Variants in RAI14 observed in about 807,000 individuals in gnomAD.
RAI14 encodes the protein ankycorbin.
Under a neutral mutation model 115.4 loss-of-function variants are expected in RAI14, and 45 were observed. The ratio of observed to expected loss-of-function variants is 0.39; its 90% CI spans 0.31 to 0.50. RAI14 has a LOEUF of 0.50. Ranked by LOEUF, RAI14 falls within the 20% of genes least tolerant of loss-of-function variation. The probability of loss-of-function intolerance (pLI) is 0.85; values close to 1 mark genes in which losing one functional copy is unlikely to be tolerated. For synonymous variants in RAI14, 371 were observed against 415.4 expected (o/e 0.89, Z 1.30); for missense variants, 939 against 1,131.2 (o/e 0.83, Z 2.44).
At chr5:34,709,751 T>C (rs1290635378) in intron 2 of RAI14, among the ~76,000 whole-genome samples, 1 of 152,162 alleles carries the variant, frequency 6.6e-6, no homozygotes, top group East Asian at 1.9e-4. Flanking sequence ...TTAGGCTCTT[T>C]GGAAGATTTT....
chr5:34,795,527 A>T (rs1753411923), intron 3 of RAI14, among the ~76,000 whole-genome samples: 1 of 152,246 alleles, frequency 6.6e-6, no homozygotes. Context: ...AGAGCATATC[A>T]CTTTAAAATG....
intron 4 of RAI14, among the ~76,000 whole-genome samples, chr5:34,798,154 G>A (rs554109900): frequency 3.9e-5 from 6 of 152,170 alleles, no homozygotes; most frequent in African/African-American, 1.4e-4. Flanking sequence ...TCCTGCCTCA[G>A]CCTCCTGAGT....
intron 7 of RAI14, among the ~76,000 whole-genome samples, chr5:34,808,982 G>A (rs1414383618): frequency 2.0e-5 from 3 of 152,128 alleles, no homozygotes; most frequent in Admixed American, 2.0e-4. Context: ...CTTACTCCCC[G>A]CTGTGCAGCC....
At chr5:34,763,046 T>C (rs1375309076) in intron 3 of RAI14, among the ~76,000 whole-genome samples, 2 of 151,480 alleles carry the variant, frequency 1.3e-5, no homozygotes, top group South Asian at 2.1e-4. Flanking sequence ...AAGCAAGAAT[T>C]TGTGAGAGTA....
chr5:34,763,105 C>G (rs1748899676), intron 3 of RAI14, among the ~76,000 whole-genome samples: 1 of 152,112 alleles, frequency 6.6e-6, no homozygotes, highest in South Asian at 2.1e-4. Flanking sequence ...AGAGGCAGGC[C>G]TTGAACTTTA....
chr5:34,762,866 G>A (rs138618068), intron 3 of RAI14, among the ~76,000 whole-genome samples: 5 of 152,044 alleles, frequency 3.3e-5, no homozygotes, highest in South Asian at 2.1e-4. Context: ...AATCACTGCC[G>A]GCACTGTAGT....
rs1052512562 is a variant in RAI14, at chr5:34,783,890, C to T, written c.168-12049C>T. ...CACCGCAAAACACTGCAAAAGGTGA[C>T]GTTTAACACAGGCAGAAGACTCTCC... On this transcript the variant is annotated intron_variant, in intron 3 of 17. Coordinates refer to ENST00000265109, the MANE Select transcript of RAI14 (RefSeq NM_015577.3). 4.6e-5 allele frequency among the ~76,000 whole-genome samples: 7 copies of T among 152,292 alleles called. No homozygotes were observed. In the Middle Eastern group the frequency reaches 0.01, roughly 222 times the overall value.
At position 34,758,126 on chromosome 5, in the gene RAI14, G is replaced by A. The variant is rs559732278; in HGVS notation, c.167+528G>A. Among the ~76,000 whole-genome samples, 24 of 152,276 alleles carry A rather than the reference G, an allele frequency of 1.6e-4. No homozygotes were observed. In the South Asian group the frequency reaches 2.5e-3, roughly 16 times the overall value. On this transcript the variant is annotated intron_variant, in intron 3 of 17. Coordinates refer to ENST00000265109, the MANE Select transcript of RAI14 (RefSeq NM_015577.3). ...TGTATTTGTTTATATCCATTCTTAC[G>A]TTGGCAGTGTTGTGGAGAGAGCACT...
At chr5:34,689,270 T>C (rs1398274393) in intron 2 of RAI14, among the ~76,000 whole-genome samples, 1 of 151,928 alleles carries the variant, frequency 6.6e-6, no homozygotes, top group Non-Finnish European at 1.5e-5. Context: ...CCGCCTATGG[T>C]GGGGCACACC....
At chr5:34,790,847 C>T (rs963539178) in intron 3 of RAI14, among the ~76,000 whole-genome samples, 1 of 151,516 alleles carries the variant, frequency 6.6e-6, no homozygotes, top group Non-Finnish European at 1.5e-5. Context: ...GAAGAACCCT[C>T]ATTATTACAC....
At chr5:34,760,989 T>C (rs1748579269) in intron 3 of RAI14, among the ~76,000 whole-genome samples, 1 of 152,208 alleles carries the variant, frequency 6.6e-6, no homozygotes, top group African/African-American at 2.4e-5. Flanking sequence ...AATCATATAA[T>C]ATGTGGCCTC....
rs1331631402 is a variant in RAI14 at position 34,664,984 on chromosome 5, CAT to C, written c.-49+8524_-49+8525del. Among the ~76,000 whole-genome samples the C allele has an allele frequency of 1.9e-4, 16 of 83,402 alleles. 3 individuals are homozygous for C. The highest frequency in any genetic ancestry group is 2.3e-4 in the Non-Finnish European group (10 of 43,276). The allele number at this position is 83,402 out of a possible 152,430, so 54.7% of individuals were successfully genotyped here. The stretch of plus-strand genomic sequence containing the variant: ...CTTTTTATGGCTAAGTAGTATCCAT[CAT>C]ATATATATATATATGTGTATATATA... On this transcript the variant is annotated intron_variant, in intron 1 of 17. Coordinates refer to ENST00000265109, the MANE Select transcript of RAI14 (RefSeq NM_015577.3).
At chr5:34,739,702 A>G (rs1745263779) in intron 2 of RAI14, among the ~76,000 whole-genome samples, 1 of 152,120 alleles carries the variant, frequency 6.6e-6, no homozygotes, top group South Asian at 2.1e-4. Context: ...TTCACTCAGT[A>G]AACATTTATT....
chr5:34,746,727 A>G lies in RAI14; in HGVS notation c.37-10741A>G, dbSNP rs1746276447. Among the ~76,000 whole-genome samples the G allele has an allele frequency of 5.3e-5, 8 of 152,072 alleles. No individual in the cohort carries two copies. The South Asian group carries it at 1.5e-3, about 28-fold the overall frequency. On this transcript the variant is annotated intron_variant, in intron 2 of 17. Transcript: ENST00000265109. ...ACTCCTTTGCTTGCCCCAGTGTATG[A>G]ACACATTTAAACCCCCCTAAAAAGT...
At chr5:34,806,632 T>C (rs1754934792) in intron 5 of RAI14, among the ~76,000 whole-genome samples, 1 of 151,482 alleles carries the variant, frequency 6.6e-6, no homozygotes, top group South Asian at 2.1e-4. Flanking sequence ...GGGTGGAGGA[T>C]GAGGAGGAAT....
chr5:34,810,170 A>C (rs185087991), intron 7 of RAI14, among the ~76,000 whole-genome samples: 31 of 152,330 alleles, frequency 2.0e-4, no homozygotes, highest in Admixed American at 1.9e-3. Flanking sequence ...ATATATTGTA[A>C]CATCTTTTCC....
intron 3 of RAI14, among the ~76,000 whole-genome samples, chr5:34,783,138 G>A (rs1751865701): frequency 6.6e-6 from 1 of 152,220 alleles, no homozygotes; most frequent in Non-Finnish European, 1.5e-5. Flanking sequence ...GTCAGCCCTT[G>A]CTAAAGGAAT....
At chr5:34,800,877 T>C (rs114529312) in intron 4 of RAI14, among the ~76,000 whole-genome samples, 1,706 of 152,328 alleles carry the variant, frequency 0.011, 10 homozygotes, top group South Asian at 0.019. Flanking sequence ...GTTAATGCAT[T>C]GCGTACACGA....
intron 2 of RAI14, among the ~76,000 whole-genome samples, chr5:34,706,545 C>T (rs965329890): frequency 2.2e-4 from 33 of 152,252 alleles, no homozygotes; most frequent in African/African-American, 7.9e-4. Flanking sequence ...GAAAATGATA[C>T]TCGAACCCGG....
Sources: allele counts gnomAD v4.1 joint callset (sites outside exome capture counted in the v4.1 genomes callset), GRCh38; gene constraint gnomAD v4.1.1; transcripts MANE v1.5; gene names NCBI Gene and HGNC (gene_info 2026-07-23, HGNC 2026-07-21).